Variants in ADAMTS13 observed in about 807,000 individuals in gnomAD.
ADAMTS13 encodes the protein A disintegrin and metalloproteinase with thrombospondin motifs 13.
Under a neutral mutation model 155.1 loss-of-function variants are expected in ADAMTS13, and 110 were observed. That is an observed-to-expected ratio of 0.71 (90% confidence interval 0.61 to 0.83). The LOEUF (loss-of-function observed/expected upper bound fraction) is 0.83, where lower values mean the gene tolerates loss of function less well. Ranked by LOEUF, ADAMTS13 falls within the 40% of genes least tolerant of loss-of-function variation. The probability of loss-of-function intolerance (pLI) is 0.00; values close to 1 mark genes in which losing one functional copy is unlikely to be tolerated. For synonymous variants in ADAMTS13, 758 were observed against 756.4 expected, an observed-to-expected ratio of 1.00 and a Z score of -0.03; for missense variants, 1,707 against 1,891.7, an observed-to-expected ratio of 0.90 and a Z score of 1.81.
chr9:133,433,403 C>T lies in ADAMTS13; in HGVS notation c.1118C>T (p.Ser373Phe). 6.2e-7 allele frequency: 1 copy of T among 1,613,088 alleles called. No individual in the cohort carries two copies. Among genetic ancestry groups the T allele is most frequent in the Non-Finnish European group, 8.5e-7 (1 of 1,179,942 alleles). ...EKWCSKGRCR[S>F]LVELTPIAAV... ...TGGTGCTCCAAGGGTCGCTGCCGCTCCCTGGTGGAGCTGACCCCCATAGCA... is the reference window on the plus strand; with the variant it reads ...TGGTGCTCCAAGGGTCGCTGCCGCTTCCTGGTGGAGCTGACCCCCATAGCA... Residue 373 changes from serine (S) to phenylalanine (F), a missense_variant, in exon 10 of 29, where the codon TCC becomes TTC. This residue lies in a region of ADAMTS13 where 733 missense variants were observed against 749.6 expected (regional missense o/e 0.98). Coordinates refer to ENST00000355699, the MANE Select transcript of ADAMTS13 (RefSeq NM_139027.6).
intron 23 of ADAMTS13, among the ~76,000 whole-genome samples, chr9:133,452,575 C>G (rs867764007): frequency 1.8e-4 from 28 of 152,310 alleles, no homozygotes; most frequent in Admixed American, 1.6e-3. Flanking sequence ...GTTTTTCACA[C>G]TGCACGCTGC....
Position 133,442,857 on chromosome 9 carries a change from C to T in ADAMTS13, c.2234+114C>T. On this transcript the variant is annotated intron_variant, in intron 18 of 28. Coordinates refer to ENST00000355699, the MANE Select transcript of ADAMTS13 (RefSeq NM_139027.6). ...GTGGCAGGGCCGGGCTGAGCTGCTC[C>T]TGTGCAGGCTCTCATTACCCCTGCC... is the stretch of plus-strand genomic sequence containing the variant. The T allele has an allele frequency of 2.1e-6, 3 of 1,442,444 alleles. No individual in the cohort carries two copies. In the East Asian group the frequency reaches 7.5e-5, roughly 36 times the overall value. 89.4% of individuals were successfully genotyped at this position (1,442,444 alleles called of 1,614,324 possible).
chr9:133,443,644 T>C (rs1420050645), intron 19 of ADAMTS13, 83 bp downstream of exon 19: 1 of 1,414,982 alleles, frequency 7.1e-7, no homozygotes, highest in Non-Finnish European at 9.3e-7. Flanking sequence ...CTTCTGAGAA[T>C]CCCCTCCTCC....
At chr9:133,453,102 G>C (rs1842534730) in intron 23 of ADAMTS13, among the ~76,000 whole-genome samples, 1 of 151,684 alleles carries the variant, frequency 6.6e-6, no homozygotes, top group South Asian at 2.1e-4. Context: ...AGGAGTTCTA[G>C]ACCAGCCTGG....
chr9:133,454,694 G>A, intron 24 of ADAMTS13, 75 bp downstream of exon 24: 2 of 1,485,468 alleles, frequency 1.3e-6, no homozygotes, highest in Non-Finnish European at 1.8e-6. Flanking sequence ...GTGTGAGGGA[G>A]TCTAGGAGGC....
rs1841490602 is a variant in ADAMTS13 at position 133,439,358 on chromosome 9, C to A, written c.1706-8C>A. 1 of 1,605,782 alleles carries A rather than the reference C, an allele frequency of 6.2e-7. No homozygotes were observed. The highest frequency in any genetic ancestry group is 2.2e-5 in the East Asian group (1 of 44,772). ...TCCACGCATCTCTCCTTCTTTTCTT[C>A]TTTCTAGAATATGTCACGTTTCTGA... is the stretch of plus-strand genomic sequence containing the variant. On this transcript the variant is annotated splice_polypyrimidine_tract_variant and splice_region_variant and intron_variant, in intron 14 of 28. Coordinates refer to ENST00000355699, the MANE Select transcript of ADAMTS13 (RefSeq NM_139027.6).
Position 133,457,993 on chromosome 9 carries a change from C to A in ADAMTS13, c.3808C>A (p.Arg1270=), listed in dbSNP as rs587618950. ...SPATSNAGGC[R]LFINVAPHAR... is the part of the protein sequence containing the mutation. ...AGCCACGAGTAATGCAGGGGGCTGC[C>A]GGCTCTTCATTAATGTGGCTCCGCA... Residue 1270 remains arginine, a synonymous_variant, in exon 28 of 29, where the codon CGG becomes AGG. Transcript: ENST00000355699. 6.2e-7 allele frequency: 1 copy of A among 1,613,602 alleles called. No individual in the cohort carries two copies. Among genetic ancestry groups the A allele is most frequent in the Admixed American group, 1.7e-5 (1 of 60,018 alleles).
At chr9:133,432,871 C>T (rs1470245192) in intron 9 of ADAMTS13, among the ~76,000 whole-genome samples, 179 bp downstream of exon 9, 2 of 152,106 alleles carry the variant, frequency 1.3e-5, no homozygotes, top group Non-Finnish European at 2.9e-5. Flanking sequence ...AGCATTTGCT[C>T]CCATGCAGAA....
intron 23 of ADAMTS13, among the ~76,000 whole-genome samples, chr9:133,452,188 C>T (rs587696608): frequency 2.0e-5 from 3 of 151,698 alleles, no homozygotes; most frequent in Non-Finnish European, 4.4e-5. Context: ...TCTCAGCTCA[C>T]TGCAACCTCC....
At position 133,445,977 on chromosome 9, in the gene ADAMTS13, C is replaced by T. The variant is rs1554792510; in HGVS notation, c.2731+158C>T. 6.6e-6 allele frequency among the ~76,000 whole-genome samples: 1 copy of T among 152,152 alleles called. No individual in the cohort carries two copies. Among genetic ancestry groups the T allele is most frequent in the Admixed American group, 6.5e-5 (1 of 15,278 alleles). ...TACACAAGGAGACTAAGCATAGTAG[C>T]TGACAGCCACTTCAAATGTGGGTGT... On this transcript the variant is annotated intron_variant, in intron 21 of 28. Transcript: ENST00000355699. The surrounding 1 kb of genome is among the most constrained non-coding windows in gnomAD (Gnocchi z 5.0).
Position 133,424,311 on chromosome 9 carries a change from C to G in ADAMTS13, c.173-10C>G. The G allele has an allele frequency of 6.2e-7, 1 of 1,611,598 alleles. No individual in the cohort carries two copies. The highest frequency in any genetic ancestry group is 8.5e-7 in the Non-Finnish European group (1 of 1,179,872). Reference sequence around the variant, plus strand: ...AACCATCGCCCTCTGCTCTCCCTCTCCCCCTCCAGGCCGCCCTCCTTCCCC... The same window carrying G: ...AACCATCGCCCTCTGCTCTCCCTCTGCCCCTCCAGGCCGCCCTCCTTCCCC... On this transcript the variant is annotated splice_polypyrimidine_tract_variant and intron_variant, in intron 2 of 28. Coordinates refer to ENST00000355699, the MANE Select transcript of ADAMTS13 (RefSeq NM_139027.6). This position sits in a 1 kb window ranked among gnomAD's most constrained non-coding sequence, Gnocchi z 4.3.
chr9:133,432,920 G>A (rs782383602), intron 9 of ADAMTS13, among the ~76,000 whole-genome samples: 2 of 151,974 alleles, frequency 1.3e-5, no homozygotes, highest in Non-Finnish European at 2.9e-5. Flanking sequence ...GGGTGCCCAT[G>A]GGTGTGGGGT....
At chr9:133,452,029 G>C (rs937150253) in intron 23 of ADAMTS13, among the ~76,000 whole-genome samples, 1 of 151,378 alleles carries the variant, frequency 6.6e-6, no homozygotes, top group Middle Eastern at 3.4e-3. Context: ...GCATCTGTTG[G>C]ACAAGCCCTG....
In ADAMTS13 at chr9:133,454,600, A is replaced by T. The variant is rs1483712586; in HGVS notation, c.3230A>T (p.His1077Leu). ...ATTGCCGACTGCACCTACCGCTGGC[A>T]TGTTGGCACCTGGATGGAGGTGAGC... ...CLIADCTYRW[H>L]VGTWMECSVS... Residue 1077 changes from histidine (H) to leucine (L), a missense_variant, in exon 24 of 29, where the codon CAT becomes CTT. His to Leu is a moderately conservative substitution (Grantham distance 99). Transcript: ENST00000355699. 6.2e-7 allele frequency: 1 copy of T among 1,603,450 alleles called. No homozygotes were observed. The highest frequency in any genetic ancestry group is 1.7e-5 in the Admixed American group (1 of 59,850).
At chr9:133,450,480 G>A (rs1554794056) in intron 23 of ADAMTS13, among the ~76,000 whole-genome samples, 2 of 151,194 alleles carry the variant, frequency 1.3e-5, no homozygotes, top group East Asian at 1.9e-4. Context: ...AGGCAGAATC[G>A]CTTGAACCGG....
At chr9:133,455,685 C>A in intron 25 of ADAMTS13, 1 of 1,538,246 alleles carries the variant, frequency 6.5e-7, no homozygotes, top group Non-Finnish European at 8.9e-7. Flanking sequence ...AGGACTGGCA[C>A]AAGCACTTGG....
intron 6 of ADAMTS13, among the ~76,000 whole-genome samples, chr9:133,428,147 G>A (rs1334741550): frequency 6.8e-6 from 1 of 147,966 alleles, no homozygotes; most frequent in Non-Finnish European, 1.5e-5. Context: ...TGACAGTTTG[G>A]AAACGGTTCA....
At chr9:133,442,576 T>C in intron 17 of ADAMTS13, 38 bp from the exon 18 acceptor site, 3 of 1,613,370 alleles carry the variant, frequency 1.9e-6, no homozygotes, top group Non-Finnish European at 2.5e-6. Flanking sequence ...GGCTTGCCCC[T>C]GCAGGGAGGC....
chr9:133,417,536 T>C (rs1056736849), upstream of ADAMTS13: 20 of 1,431,864 alleles, frequency 1.4e-5, no homozygotes, highest in Admixed American at 1.1e-4. Flanking sequence ...TACAGGTCTT[T>C]TGGGGCTACC....
Sources: allele counts gnomAD v4.1 joint callset (sites outside exome capture counted in the v4.1 genomes callset), GRCh38; gene constraint gnomAD v4.1.1; regional missense constraint gnomAD v4.1.1; non-coding constraint Gnocchi (gnomAD v3.1); transcripts MANE v1.5; gene names NCBI Gene and HGNC (gene_info 2026-07-23, HGNC 2026-07-21).